The following CHCHD3 variants were observed in gnomAD, a reference collection of about 807,000 sequenced individuals.
CHCHD3 encodes MICOS complex subunit MIC19.
CHCHD3 carries 20 observed loss-of-function variants against 38.2 expected under a neutral mutation model. The observed-to-expected ratio is 0.52, with a 90% CI of 0.37 to 0.76. The LOEUF (loss-of-function observed/expected upper bound fraction) is 0.76. Ranked by LOEUF, CHCHD3 falls within the 30% of genes least tolerant of loss-of-function variation. The probability of loss-of-function intolerance (pLI) is 0.00; values close to 1 mark genes in which losing one functional copy is unlikely to be tolerated. For synonymous variants in CHCHD3, 82 were observed against 100.0 expected, an observed-to-expected ratio of 0.82 and a Z score of 1.07; for missense variants, 245 against 279.2, an observed-to-expected ratio of 0.88 and a Z score of 0.87.
At chr7:132,879,242 A>C (rs1808988122) in intron 5 of CHCHD3, among the ~76,000 whole-genome samples, 1 of 152,162 alleles carries the variant, frequency 6.6e-6, no homozygotes, top group Non-Finnish European at 1.5e-5. Flanking sequence ...AATGCAAATA[A>C]ATTGTAAATG....
rs547065502 is a variant in CHCHD3 at position 132,820,429 on chromosome 7, G to T, written c.524+17970C>A. 7.2e-5 allele frequency among the ~76,000 whole-genome samples: 11 copies of T among 152,154 alleles called. No homozygotes were observed. In the South Asian group the frequency reaches 2.1e-3, roughly 29 times the overall value. ...AAAAAATGTTTGAAAACAACAGGAG[G>T]GACTGGAAGGGAGGGAGGCTTCTCT... On this transcript the variant is annotated intron_variant, in intron 6 of 7. Coordinates refer to ENST00000262570, the MANE Select transcript of CHCHD3 (RefSeq NM_017812.4).
intron 4 of CHCHD3, among the ~76,000 whole-genome samples, chr7:132,917,085 AC>A (rs1243417141): frequency 2.0e-5 from 3 of 152,182 alleles, no homozygotes; most frequent in Admixed American, 6.5e-5. Flanking sequence ...CAAGTTTATG[AC>A]TGCATTGTTG....
chr7:132,884,045 G>A (rs908789532), intron 5 of CHCHD3, among the ~76,000 whole-genome samples: 3 of 151,866 alleles, frequency 2.0e-5, no homozygotes, highest in Middle Eastern at 3.2e-3. Flanking sequence ...TTCCCCTGTC[G>A]GCACTCAGAC....
intron 3 of CHCHD3, among the ~76,000 whole-genome samples, chr7:132,996,013 T>C (rs1296449066): frequency 1.3e-5 from 2 of 152,134 alleles, no homozygotes; most frequent in African/African-American, 4.8e-5. Flanking sequence ...CTTAGAGAAG[T>C]TCAATAGATT....
At chr7:132,952,463 A>T (rs903624345) in intron 4 of CHCHD3, among the ~76,000 whole-genome samples, 2 of 152,218 alleles carry the variant, frequency 1.3e-5, no homozygotes, top group Non-Finnish European at 2.9e-5. Context: ...AAAGTTGGCT[A>T]CAGATTTCAT....
At chr7:132,897,837 G>A (rs1392761458) in intron 4 of CHCHD3, among the ~76,000 whole-genome samples, 1 of 151,980 alleles carries the variant, frequency 6.6e-6, no homozygotes, top group Non-Finnish European at 1.5e-5. Flanking sequence ...GGAATTGGTG[G>A]GTTCTTGGTC....
At chr7:133,052,593 T>G (rs1814198944) in intron 2 of CHCHD3, among the ~76,000 whole-genome samples, 1 of 152,224 alleles carries the variant, frequency 6.6e-6, no homozygotes, top group East Asian at 1.9e-4. Context: ...ACTGTTAAAA[T>G]GCTCATACTA....
At chr7:133,071,797 A>G (rs781022039) in intron 1 of CHCHD3, among the ~76,000 whole-genome samples, 3 of 152,230 alleles carry the variant, frequency 2.0e-5, no homozygotes, top group Non-Finnish European at 4.4e-5. Context: ...GACATGTGCT[A>G]CCGTACAGAT....
intron 2 of CHCHD3, among the ~76,000 whole-genome samples, chr7:133,029,054 A>G (rs1027132121): frequency 6.6e-6 from 1 of 152,188 alleles, no homozygotes; most frequent in Non-Finnish European, 1.5e-5. Context: ...CAAAGCCTCC[A>G]TAACATTAAG....
At chr7:133,037,927 G>A (rs1162893184) in intron 2 of CHCHD3, among the ~76,000 whole-genome samples, 1 of 152,130 alleles carries the variant, frequency 6.6e-6, no homozygotes, top group East Asian at 1.9e-4. Flanking sequence ...TCGTTGCAGT[G>A]TTTACCAAGA....
intron 2 of CHCHD3, among the ~76,000 whole-genome samples, chr7:133,053,313 C>G (rs1317309868): frequency 6.6e-6 from 1 of 152,160 alleles, no homozygotes; most frequent in African/African-American, 2.4e-5. Context: ...TGTCTCAGAG[C>G]AAACTCTTGG....
intron 3 of CHCHD3, among the ~76,000 whole-genome samples, chr7:133,003,185 G>A (rs1812614741): frequency 6.6e-6 from 1 of 152,142 alleles, no homozygotes; most frequent in Non-Finnish European, 1.5e-5. Context: ...ATGTTTCAGA[G>A]ACAATGTGAA....
intron 6 of CHCHD3, among the ~76,000 whole-genome samples, chr7:132,834,224 T>A (rs1807721056): frequency 6.6e-6 from 1 of 152,236 alleles, no homozygotes; most frequent in Non-Finnish European, 1.5e-5. Context: ...AGCAGTCTAC[T>A]AAGTAATCTC....
In CHCHD3 at chr7:133,081,323, G is replaced by T. The variant is rs576333745; in HGVS notation, c.81+534C>A. On this transcript the variant is annotated intron_variant, in intron 1 of 7. Transcript: ENST00000262570. ...CAGGGAGAAGCCAGAAGCCGCCCCA[G>T]GCAGGTCAGAAAAGACTGTGGGGCT... Among the ~76,000 whole-genome samples, 8 of 152,228 alleles carry T rather than the reference G, an allele frequency of 5.3e-5. No homozygotes were observed. In the South Asian group the frequency reaches 1.7e-3, roughly 32 times the overall value.
chr7:132,792,901 G>C (rs1806500314), intron 7 of CHCHD3, among the ~76,000 whole-genome samples: 1 of 152,178 alleles, frequency 6.6e-6, no homozygotes, highest in Non-Finnish European at 1.5e-5. Flanking sequence ...CTGGGAAAAA[G>C]CTGAAATGCT....
chr7:132,837,762 A>C (rs1807825271), intron 6 of CHCHD3, among the ~76,000 whole-genome samples: 1 of 152,240 alleles, frequency 6.6e-6, no homozygotes. Context: ...TTATATACTC[A>C]GAAAAATTCT....
intron 6 of CHCHD3, among the ~76,000 whole-genome samples, chr7:132,819,993 T>G (rs1807303616): frequency 1.3e-5 from 2 of 152,252 alleles, no homozygotes; most frequent in South Asian, 4.1e-4. Context: ...ATTTAAAGTT[T>G]TGGCTGTTTG....
intron 4 of CHCHD3, chr7:132,973,566 T>C: frequency 1.0e-6 from 1 of 994,694 alleles, no homozygotes; most frequent in South Asian, 4.5e-5. Context: ...TGTACTGTTC[T>C]TAGGGCAGCT....
chr7:132,847,271 A>C (rs1203895935), intron 5 of CHCHD3: 1 of 152,186 alleles, frequency 6.6e-6, no homozygotes, highest in African/African-American at 2.4e-5. Context: ...TTGTTTTCTC[A>C]CTTCTAGGGT....
Sources: allele counts gnomAD v4.1 joint callset (sites outside exome capture counted in the v4.1 genomes callset), GRCh38; gene constraint gnomAD v4.1.1; transcripts MANE v1.5; gene names NCBI Gene and HGNC (gene_info 2026-07-23, HGNC 2026-07-21).